Variants in TENM2 observed in about 807,000 individuals in gnomAD.
TENM2 encodes the protein teneurin transmembrane protein 2.
A neutral mutation model predicts 245.2 loss-of-function variants in TENM2; 52 were observed. The ratio of observed to expected loss-of-function variants is 0.21; its 90% CI spans 0.17 to 0.27. The LOEUF is 0.27. Ranked by LOEUF, TENM2 falls within the 10% of genes least tolerant of loss-of-function variation. The pLI is 1.00. For synonymous variants in TENM2, 1,363 were observed against 1,438.9 expected (o/e 0.95, Z 1.19); for missense variants, 3,046 against 3,666.8 (o/e 0.83, Z 4.37).
chr5:167,914,975 G>T (rs552413254), intron 3 of TENM2, among the ~76,000 whole-genome samples: 1 of 152,246 alleles, frequency 6.6e-6, no homozygotes, highest in African/African-American at 2.4e-5. Flanking sequence ...AAAAGGTCAC[G>T]TTGTGTGGTC....
chr5:167,158,879 C>T, the TENM2 span, among the ~76,000 whole-genome samples: 1 of 143,996 alleles, frequency 6.9e-6, no homozygotes, highest in Non-Finnish European at 1.5e-5. Flanking sequence ...TTCCTTCCTT[C>T]CTTCCTTCCT....
intron 2 of TENM2, among the ~76,000 whole-genome samples, chr5:167,806,303 A>G (rs1561801968): frequency 6.6e-6 from 1 of 152,218 alleles, no homozygotes; most frequent in Non-Finnish European, 1.5e-5. Context: ...AAGCCCTTTC[A>G]CATATCATGT....
chr5:167,148,357 T>C, the TENM2 span, among the ~76,000 whole-genome samples: 1 of 152,204 alleles, frequency 6.6e-6, no homozygotes, highest in South Asian at 2.1e-4. Flanking sequence ...TTACAGGATG[T>C]TGTTATTTTT....
At chr5:168,239,211 C>T (rs1221358590) in intron 25 of TENM2, among the ~76,000 whole-genome samples, 1 of 152,188 alleles carries the variant, frequency 6.6e-6, no homozygotes, top group East Asian at 1.9e-4. Flanking sequence ...ATGGCACCCT[C>T]ATAATTAAAG....
rs1780196909 is a variant in TENM2 at position 167,952,582 on chromosome 5, T to A, written c.713-6T>A. Reference sequence around the variant, plus strand: ...CGCTAACAGTCATTTCTCCTTTTTTTTTCAGGCCCTCCGAACCACCACAGC... The same window carrying A: ...CGCTAACAGTCATTTCTCCTTTTTTATTCAGGCCCTCCGAACCACCACAGC... On this transcript the variant is annotated splice_polypyrimidine_tract_variant and splice_region_variant and intron_variant, in intron 3 of 28. Coordinates refer to ENST00000518659, the Ensembl canonical transcript of TENM2. 6.2e-7 allele frequency: 1 copy of A among 1,601,866 alleles called. No homozygotes were observed. Among genetic ancestry groups the A allele is most frequent in the Non-Finnish European group, 8.5e-7 (1 of 1,174,146 alleles).
intron 2 of TENM2, among the ~76,000 whole-genome samples, chr5:167,752,967 C>G (rs1438362946): frequency 6.6e-6 from 1 of 152,146 alleles, no homozygotes; most frequent in Non-Finnish European, 1.5e-5. Context: ...CTCTAAGTAT[C>G]TAGAAACACA....
chr5:167,857,896 G>A (rs1426326423), intron 2 of TENM2, among the ~76,000 whole-genome samples: 1 of 152,136 alleles, frequency 6.6e-6, no homozygotes, highest in East Asian at 1.9e-4. Flanking sequence ...CTTAGACTCA[G>A]GTCACTAACT....
intron 2 of TENM2, among the ~76,000 whole-genome samples, chr5:167,519,223 C>CGTG (rs1770597691): frequency 6.6e-6 from 1 of 152,008 alleles, no homozygotes; most frequent in Non-Finnish European, 1.5e-5. Context: ...TCTTCTTATC[C>CGTG]AGGTTAGAAC....
chr5:167,187,753 A>C, the TENM2 span, among the ~76,000 whole-genome samples: 1 of 152,152 alleles, frequency 6.6e-6, no homozygotes, highest in Admixed American at 6.6e-5. Context: ...TTTCTCATTC[A>C]ATCTGTTCTC....
intron 3 of TENM2, among the ~76,000 whole-genome samples, chr5:167,911,147 G>GT (rs1776513105): frequency 2.6e-5 from 4 of 152,112 alleles, no homozygotes; most frequent in Admixed American, 2.0e-4. Flanking sequence ...TGGGATGAAT[G>GT]TAACTATCTA....
chr5:168,224,422 C>T (rs887627321), intron 23 of TENM2, among the ~76,000 whole-genome samples: 4 of 152,236 alleles, frequency 2.6e-5, no homozygotes, highest in African/African-American at 9.6e-5. Context: ...CAAACTTCTG[C>T]AGAGCTTCAC....
At chr5:167,373,295 G>A (rs1581872057) in intron 1 of TENM2, among the ~76,000 whole-genome samples, 1 of 152,200 alleles carries the variant, frequency 6.6e-6, no homozygotes, top group South Asian at 2.1e-4. Context: ...CAGTGGTTTG[G>A]TGGTTTGTAA....
intron 3 of TENM2, among the ~76,000 whole-genome samples, chr5:167,950,286 G>A (rs959982338): frequency 3.9e-5 from 6 of 152,190 alleles, no homozygotes; most frequent in African/African-American, 1.4e-4. Context: ...CAGGAATTCT[G>A]CCCACGCATA....
intron 2 of TENM2, among the ~76,000 whole-genome samples, chr5:167,666,401 A>G (rs1300174755): frequency 6.6e-6 from 1 of 152,232 alleles, no homozygotes; most frequent in African/African-American, 2.4e-5. Flanking sequence ...AAAATTTACC[A>G]TACGAGTAAA....
rs6869063 is a variant in TENM2 at position 167,588,466 on chromosome 5, G to A, written c.502+212993G>A. ...GAAATTCATTTTAGAATGTAATTAT[G>A]TAGTGACCAATACAATTAGCTTTCA... On this transcript the variant is annotated intron_variant, in intron 2 of 28. Transcript: ENST00000518659. Among the ~76,000 whole-genome samples the A allele has an allele frequency of 8.5e-3, 1,296 of 152,310 alleles. 8 individuals carry two copies. Among genetic ancestry groups the A allele is most frequent in the Middle Eastern group, 0.017 (5 of 294 alleles).
intron 2 of TENM2, among the ~76,000 whole-genome samples, chr5:167,661,562 G>A (rs1352619484): frequency 2.0e-5 from 3 of 152,134 alleles, no homozygotes; most frequent in Non-Finnish European, 2.9e-5. Context: ...TTGGTCAAGT[G>A]GTTTTCACAA....
intron 2 of TENM2, among the ~76,000 whole-genome samples, chr5:167,623,311 A>G (rs1279129098): frequency 6.6e-6 from 1 of 152,144 alleles, no homozygotes; most frequent in Non-Finnish European, 1.5e-5. Flanking sequence ...TTGACAGAGA[A>G]TTACCAGGGA....
intron 15 of TENM2, among the ~76,000 whole-genome samples, chr5:168,196,306 T>G (rs892694387): frequency 6.6e-6 from 1 of 152,234 alleles, no homozygotes; most frequent in African/African-American, 2.4e-5. Context: ...GTCTAAGGAT[T>G]CATATCAAAT....
intron 2 of TENM2, among the ~76,000 whole-genome samples, chr5:167,733,575 C>T (rs894290307): frequency 6.6e-6 from 1 of 152,276 alleles, no homozygotes; most frequent in African/African-American, 2.4e-5. Context: ...ATCGCACAAA[C>T]AGGGTAAGAC....
Sources: gnomAD v4.1 joint callset for allele counts (sites outside exome capture counted in the v4.1 genomes callset) on GRCh38, gnomAD v4.1.1 for gene constraint, MANE v1.5 for transcripts, NCBI Gene and HGNC (gene_info 2026-07-23, HGNC 2026-07-21) for gene names.